Variants in ZNF529 observed in about 807,000 individuals in gnomAD.
The protein encoded by ZNF529 is zinc finger protein 529.
ZNF529 carries 11 observed loss-of-function variants against 10.1 expected under a neutral mutation model. That is an observed-to-expected ratio of 1.09 (90% CI 0.69 to 1.81). The LOEUF (loss-of-function observed/expected upper bound fraction) is 1.81. Ranked by LOEUF, ZNF529 falls within the 40% of genes most tolerant of loss-of-function variation. The probability of loss-of-function intolerance (pLI) is 0.00; values close to 1 mark genes in which losing one functional copy is unlikely to be tolerated. For missense variants in ZNF529, 624 were observed against 666.8 expected, an observed-to-expected ratio of 0.94 and a Z score of 0.71; for synonymous variants, 204 against 215.7, an observed-to-expected ratio of 0.95 and a Z score of 0.47.
At chr19:36,565,679 G>A (rs1469313949) in intron 2 of ZNF529, among the ~76,000 whole-genome samples, 2 of 152,070 alleles carry the variant, frequency 1.3e-5, no homozygotes, top group Non-Finnish European at 2.9e-5. Flanking sequence ...ATGCCTGGGC[G>A]ACAGAGTGAG....
chr19:36,558,764 A>G (rs2145815047), intron 2 of ZNF529, among the ~76,000 whole-genome samples: 1 of 152,226 alleles, frequency 6.6e-6, no homozygotes, highest in South Asian at 2.1e-4. Flanking sequence ...ACCGGAAACA[A>G]AAGCAAAAAC....
In ZNF529 at chr19:36,549,152, T is replaced by TCTCAAGATACC. The variant is rs566969698; in HGVS notation, c.236-841_236-831dup. 4.0e-3 allele frequency among the ~76,000 whole-genome samples: 611 copies of TCTCAAGATACC among 152,338 alleles called. 3 individuals carry two copies. The highest frequency in any genetic ancestry group is 0.014 in the African/African-American group (582 of 41,588). On this transcript the variant is annotated intron_variant, in intron 4 of 4. Transcript: ENST00000591340. ...TGCCAGCTTCTTTTCTTTGTTAAAG[T>TCTCAAGATACC]CTCAAGATACCCTCAGAAAGGGCAT...
intron 2 of ZNF529, among the ~76,000 whole-genome samples, chr19:36,567,790 C>A: frequency 6.6e-6 from 1 of 151,912 alleles, no homozygotes; most frequent in Non-Finnish European, 1.5e-5. Context: ...GGATAAGCAG[C>A]AAAAGAAAAT....
intron 2 of ZNF529, among the ~76,000 whole-genome samples, chr19:36,586,245 A>C (rs1012779193): frequency 6.6e-6 from 1 of 152,232 alleles, no homozygotes; most frequent in African/African-American, 2.4e-5. Flanking sequence ...GGAATCTTTA[A>C]AAAATATGGA....
rs2145808856 is a variant in ZNF529, at chr19:36,556,195, A to C, written c.17T>G (p.Phe6Cys). The change falls in exon 3 of 5, where the codon TTC becomes TGC. Residue 6 changes from phenylalanine to cysteine, a missense_variant and splice_region_variant. Coordinates refer to ENST00000591340, the MANE Select transcript of ZNF529 (RefSeq NM_020951.5). MANSS[F>C]IGDHVHGAPH... ...AGCTCCATGGACATGATCCCCAATG[A>C]AACTGTAAAAATTATTTTTTAAGAA... is the stretch of plus-strand genomic sequence containing the variant. 1 of 1,084,678 alleles carries C rather than the reference A, an allele frequency of 9.2e-7. No homozygotes were observed. The highest frequency in any genetic ancestry group is 1.4e-6 in the Non-Finnish European group (1 of 720,322). 67.2% of individuals were successfully genotyped at this position (1,084,678 alleles called of 1,614,324 possible).
rs71171458 is a variant in ZNF529, at chr19:36,583,056, ATTGTTTGT to A, written c.-41+6551_-41+6558del. 7.9e-5 allele frequency among the ~76,000 whole-genome samples: 12 copies of A among 151,340 alleles called. 1 individual carries two copies. The highest frequency in any genetic ancestry group is 4.2e-4 in the South Asian group (2 of 4,790). The stretch of plus-strand genomic sequence containing the variant: ...TAGAAAAACAGAAAGTCTGTATCTA[ATTGTTTGT>A]TTGTTTGTTTGTTTGGAGACAGGGT... On this transcript the variant is annotated intron_variant, in intron 2 of 4. Coordinates refer to the ZNF529 transcript ENST00000585960.
At position 36,562,193 on chromosome 19, in the gene ZNF529, G is replaced by A. The variant is rs78226757; in HGVS notation, c.15-5996C>T. Reference sequence around the variant, plus strand: ...GCGGAGGTTGCGGTGAGCCGAGATCGCACCATTGCACTGCAGCCCAGGGGA... The same window carrying A: ...GCGGAGGTTGCGGTGAGCCGAGATCACACCATTGCACTGCAGCCCAGGGGA... On this transcript the variant is annotated intron_variant, in intron 2 of 4. Coordinates refer to ENST00000591340, the MANE Select transcript of ZNF529 (RefSeq NM_020951.5). Among the ~76,000 whole-genome samples the A allele has an allele frequency of 5.6e-3, 847 of 151,900 alleles. 26 individuals are homozygous for A. The highest frequency in any genetic ancestry group is 0.038 in the Admixed American group (577 of 15,248).
At chr19:36,566,721 A>C (rs1258589805) in intron 2 of ZNF529, among the ~76,000 whole-genome samples, 3 of 151,808 alleles carry the variant, frequency 2.0e-5, no homozygotes, top group Non-Finnish European at 4.4e-5. Context: ...TTGTCTCAAA[A>C]AAATAATAAA....
intron 4 of ZNF529, chr19:36,551,848 C>G (rs572549350): frequency 6.6e-6 from 1 of 152,266 alleles, no homozygotes; most frequent in Non-Finnish European, 1.5e-5. Context: ...ATACATATCA[C>G]TATATATGTT....
In ZNF529 at chr19:36,546,597, A is replaced by G. The variant is rs1021374016; in HGVS notation, c.*269T>C. 4.9e-5 allele frequency: 17 copies of G among 345,608 alleles called. No individual in the cohort carries two copies. Among genetic ancestry groups the G allele is most frequent in the African/African-American group, 3.4e-4 (16 of 47,216 alleles). The allele number at this position is 345,608 out of a possible 1,614,324, so 21.4% of individuals were successfully genotyped here. The stretch of plus-strand genomic sequence containing the variant: ...AAAGAGCAATAATACAAACATCAAA[A>G]GCTATTGTAAACAAAACATGCCAGG... On this transcript the variant is annotated 3_prime_UTR_variant, in exon 5 of 5. Transcript: ENST00000591340.
In ZNF529 at chr19:36,547,166, G is replaced by T. The variant is rs781481584; in HGVS notation, c.1392C>A (p.Ala464=). 2 of 1,610,952 alleles carry T rather than the reference G, an allele frequency of 1.2e-6. No individual in the cohort carries two copies. The highest frequency in any genetic ancestry group is 1.1e-5 in the South Asian group (1 of 90,916). ...TATGAATTCTTTGATGTTGAATAAG[G>T]GCTGACGTAAGTCTAAAGAACTTTC... The part of the protein sequence containing the change: ...ECGKFFRLTS[A]LIQHQRIHSG... The change falls in exon 5 of 5, where the codon GCC becomes GCA. Residue 464 remains alanine, a synonymous_variant. Transcript: ENST00000591340.
At chr19:36,548,438 A>T in intron 4 of ZNF529, 116 bp from the exon 5 acceptor site, 1 of 998,274 alleles carries the variant, frequency 1.0e-6, no homozygotes, top group South Asian at 1.8e-5. Context: ...TACTGTCATG[A>T]AAGATAAAGA....
At chr19:36,575,259 C>T (rs1361784822), upstream of ZNF529, among the ~76,000 whole-genome samples, 3 of 152,138 alleles carry the variant, frequency 2.0e-5, no homozygotes, top group Non-Finnish European at 4.4e-5. Context: ...AGAATTATGA[C>T]AGTTTCTAAT....
chr19:36,599,369 CAG>C lies in ZNF529; in HGVS notation c.-128+5755_-128+5756del, dbSNP rs2036888912. ...TATAATTCTAAAAGGTGTAAATACT[CAG>C]AATGTTTGTCAAATCAGTTGGGCAT... On this transcript the variant is annotated intron_variant, in intron 1 of 4. Coordinates refer to the ZNF529 transcript ENST00000585960. Among the ~76,000 whole-genome samples the C allele has an allele frequency of 3.3e-5, 5 of 152,250 alleles. No homozygotes were observed. The South Asian group carries it at 1.0e-3, about 32-fold the overall frequency.
At position 36,546,961 on chromosome 19, in the gene ZNF529, G is replaced by T; in HGVS notation, c.1597C>A (p.Pro533Thr). Residue 533 changes from proline to threonine, a missense_variant, in exon 5 of 5, where the codon CCC becomes ACC. Transcript: ENST00000591340. ...KHQRIHTDDKPYECKECGNSF... is the reference protein window; with the variant it reads ...KHQRIHTDDKTYECKECGNSF... ...TTCCCACACTCCTTACATTCATAGG[G>T]TTTATCATCAGTATGAATGCGCTGA... 1 of 1,613,938 alleles carries T rather than the reference G, an allele frequency of 6.2e-7. No homozygotes were observed. Among genetic ancestry groups the T allele is most frequent in the Non-Finnish European group, 8.5e-7 (1 of 1,179,876 alleles).
chr19:36,573,566 C>T (rs981035154), upstream of ZNF529: 1 of 459,916 alleles, frequency 2.2e-6, no homozygotes, highest in Admixed American at 2.4e-5. Context: ...GTTGGGAGGA[C>T]AGAATGGGGA....
chr19:36,592,302 A>G (rs913649395), intron 1 of ZNF529, among the ~76,000 whole-genome samples: 5 of 149,164 alleles, frequency 3.4e-5, no homozygotes, highest in East Asian at 2.0e-4. Context: ...AAAAAAAAAA[A>G]AAAAAGAAAG....
At chr19:36,591,449 G>A (rs1010770400) in intron 1 of ZNF529, among the ~76,000 whole-genome samples, 2 of 152,078 alleles carry the variant, frequency 1.3e-5, no homozygotes, top group African/African-American at 4.8e-5. Context: ...GCCAGACGCA[G>A]TGGCTCACAC....
intron 1 of ZNF529, among the ~76,000 whole-genome samples, chr19:36,601,341 T>C (rs1204338083): frequency 6.6e-6 from 1 of 152,106 alleles, no homozygotes; most frequent in Non-Finnish European, 1.5e-5. Flanking sequence ...CCTGACCTCG[T>C]GATCCGCCTG....
Sources: gnomAD v4.1 joint callset for allele counts (sites outside exome capture counted in the v4.1 genomes callset) on GRCh38, gnomAD v4.1.1 for gene constraint, MANE v1.5 for transcripts, NCBI Gene and HGNC (gene_info 2026-07-23, HGNC 2026-07-21) for gene names.